TEX2: variants seen among roughly 807,000 people sequenced by gnomAD.
TEX2 encodes the protein testis expressed 2, also known as testis-expressed protein 2.
Under a neutral mutation model 106.9 loss-of-function variants are expected in TEX2, and 53 were observed. The observed-to-expected ratio is 0.50, with a 90% CI of 0.40 to 0.62. The LOEUF (loss-of-function observed/expected upper bound fraction) is 0.62. Among genes scored for constraint, TEX2 ranks in the 20% least tolerant of loss-of-function variants. TEX2 has a pLI of 0.00. For synonymous variants in TEX2, 523 were observed against 534.8 expected, an observed-to-expected ratio of 0.98 and a Z score of 0.30; for missense variants, 1,207 against 1,379.0, an observed-to-expected ratio of 0.88 and a Z score of 1.98.
At chr17:64,178,614 C>G (rs1450388238) in intron 5 of TEX2, among the ~76,000 whole-genome samples, 1 of 152,214 alleles carries the variant, frequency 6.6e-6, no homozygotes, top group East Asian at 1.9e-4. Flanking sequence ...TTTTCCTGTG[C>G]TGAGGTCTCT....
Position 64,193,917 on chromosome 17 carries a change from T to A in TEX2, c.1846-28A>T, listed in dbSNP as rs190449919. On this transcript the variant is annotated intron_variant, in intron 3 of 11. Coordinates refer to ENST00000584379, the MANE Select transcript of TEX2 (RefSeq NM_001288732.2). ...ACAGAGAAAGAAAAATGATGATTTA[T>A]ATATTAAAGATTGGCTACACTATGC... 6.3e-5 allele frequency: 93 copies of A among 1,472,892 alleles called. No homozygotes were observed. The African/African-American group carries it at 1.3e-3, about 20-fold the overall frequency. The allele number at this position is 1,472,892 out of a possible 1,614,324, so 91.2% of individuals were successfully genotyped here.
chr17:64,250,786 A>G (rs1598229390), intron 1 of TEX2, among the ~76,000 whole-genome samples: 1 of 152,092 alleles, frequency 6.6e-6, no homozygotes, highest in South Asian at 2.1e-4. Flanking sequence ...AGCTCAAGCA[A>G]TCCTCCCACC....
chr17:64,153,182 T>G lies in TEX2; in HGVS notation c.2931-28A>C, dbSNP rs770919609. 18 of 1,548,280 alleles carry G rather than the reference T, an allele frequency of 1.2e-5. No homozygotes were observed. Among genetic ancestry groups the G allele is most frequent in the Non-Finnish European group, 1.6e-5 (18 of 1,125,916 alleles). ...TCAAATGTGGAACACAAAGGGCGGT[T>G]AGCACAAACTTTGCTCTTTTCACAG... On this transcript the variant is annotated intron_variant, in intron 9 of 11. Transcript: ENST00000584379. This position sits in a 1 kb window ranked among gnomAD's most constrained non-coding sequence, Gnocchi z 4.1.
chr17:64,176,165 T>C (rs568188766), intron 6 of TEX2, among the ~76,000 whole-genome samples: 1 of 152,272 alleles, frequency 6.6e-6, no homozygotes, highest in South Asian at 2.1e-4. Flanking sequence ...TCCACCCTTC[T>C]GGCTCAGAAG....
intron 2 of TEX2, among the ~76,000 whole-genome samples, chr17:64,199,499 A>C (rs551050994): frequency 1.3e-5 from 2 of 152,210 alleles, no homozygotes; most frequent in African/African-American, 4.8e-5. Context: ...GGCCTCCCAA[A>C]GTGCTGGGAT....
At chr17:64,154,775 G>C in intron 9 of TEX2, 67 bp downstream of exon 9, 2 of 1,444,658 alleles carry the variant, frequency 1.4e-6, no homozygotes, top group Non-Finnish European at 1.8e-6. Flanking sequence ...AGGGAAACAA[G>C]GTTCACTCCC....
chr17:64,231,672 G>C (rs2033662066), intron 1 of TEX2, among the ~76,000 whole-genome samples: 1 of 152,142 alleles, frequency 6.6e-6, no homozygotes, highest in Admixed American at 6.5e-5. Context: ...ATAGGTCCTG[G>C]GGTGCAACAC....
At chr17:64,181,115 C>A (rs1167009714) in intron 5 of TEX2, among the ~76,000 whole-genome samples, 25 of 114,192 alleles carry the variant, frequency 2.2e-4, no homozygotes, top group African/African-American at 8.0e-4. Flanking sequence ...TTATTTAAAA[C>A]AGTTTTACTA....
In TEX2 at chr17:64,212,818, T is replaced by G. The variant is rs1461948129; in HGVS notation, c.1400A>C (p.Gln467Pro). The G allele has an allele frequency of 5.6e-6, 9 of 1,614,118 alleles. No homozygotes were observed. In the Admixed American group the frequency reaches 6.7e-5, roughly 12 times the overall value. ...DSEDEVDSAV[Q>P]HPELPVKTLG... Reference sequence around the variant, plus strand: ...CGTCTTCACTGGCAATTCCGGGTGCTGCACGGCCGAGTCCACCTCGTCCTC... The same window carrying G: ...CGTCTTCACTGGCAATTCCGGGTGCGGCACGGCCGAGTCCACCTCGTCCTC... Residue 467 changes from glutamine (Q) to proline (P), a missense_variant, in exon 2 of 12, where the codon CAG (glutamine) becomes CCG (proline). Gln to Pro is a moderately conservative substitution (Grantham distance 76). Coordinates refer to ENST00000584379, the MANE Select transcript of TEX2 (RefSeq NM_001288732.2).
chr17:64,170,630 T>TTTTTTTTTTG, intron 7 of TEX2, among the ~76,000 whole-genome samples: 1 of 122,476 alleles, frequency 8.2e-6, no homozygotes, highest in Non-Finnish European at 1.7e-5. Flanking sequence ...ATCTTTTTTT[T>TTTTTTTTTTG]TTTTTTTTTT....
At chr17:64,156,442 G>A (rs1598117026) in intron 8 of TEX2, among the ~76,000 whole-genome samples, 5 of 152,304 alleles carry the variant, frequency 3.3e-5, no homozygotes, top group East Asian at 3.9e-4. Flanking sequence ...GGGACAGCAC[G>A]TAACTGAGTC....
chr17:64,258,496 G>C (rs1555638072), intron 1 of TEX2, among the ~76,000 whole-genome samples: 1 of 152,118 alleles, frequency 6.6e-6, no homozygotes. Context: ...ACTATTCATA[G>C]GGTGGTATAA....
chr17:64,211,786 C>A (rs1426301798), intron 2 of TEX2, among the ~76,000 whole-genome samples: 1 of 152,126 alleles, frequency 6.6e-6, no homozygotes, highest in African/African-American at 2.4e-5. Flanking sequence ...TATATAAGTT[C>A]TAATTGTACT....
At chr17:64,232,583 A>G (rs2033682395) in intron 1 of TEX2, among the ~76,000 whole-genome samples, 1 of 152,218 alleles carries the variant, frequency 6.6e-6, no homozygotes, top group Non-Finnish European at 1.5e-5. Flanking sequence ...GGGCACTCAC[A>G]TTCAAGGTCA....
intron 8 of TEX2, 61 bp downstream of exon 8, chr17:64,160,740 G>A: frequency 1.3e-6 from 2 of 1,594,466 alleles, no homozygotes; most frequent in Non-Finnish European, 1.7e-6. Flanking sequence ...GCTTCTCAAA[G>A]GCTGGAGGGA....
At chr17:64,152,652 T>C (rs765913569) in intron 10 of TEX2, among the ~76,000 whole-genome samples, 33 of 152,294 alleles carry the variant, frequency 2.2e-4, no homozygotes, top group Non-Finnish European at 4.1e-4. Flanking sequence ...GGCAGAACAG[T>C]TGGCTTTACA....
intron 6 of TEX2, among the ~76,000 whole-genome samples, chr17:64,175,190 T>C (rs151003565): frequency 2.4e-4 from 37 of 152,314 alleles, no homozygotes; most frequent in African/African-American, 8.9e-4. Context: ...GCTTCAGAAT[T>C]TGGTAATGTC....
intron 1 of TEX2, among the ~76,000 whole-genome samples, chr17:64,246,995 C>T (rs1206619781): frequency 1.3e-5 from 2 of 152,164 alleles, no homozygotes; most frequent in African/African-American, 2.4e-5. Flanking sequence ...GGCAGCTGGG[C>T]GTGGTGGCTC....
chr17:64,222,611 C>A (rs1428234786), intron 1 of TEX2, among the ~76,000 whole-genome samples: 3 of 150,708 alleles, frequency 2.0e-5, no homozygotes, highest in African/African-American at 7.3e-5. Context: ...ACACAGGAGA[C>A]CCATCACTAT....
Sources: gnomAD v4.1 joint callset for allele counts (sites outside exome capture counted in the v4.1 genomes callset) on GRCh38, gnomAD v4.1.1 for gene constraint, Gnocchi (gnomAD v3.1) non-coding constraint, MANE v1.5 for transcripts, NCBI Gene and HGNC (gene_info 2026-07-23, HGNC 2026-07-21) for gene names.